The following LARGE1 variants were observed in gnomAD, a reference collection of about 807,000 sequenced individuals.
The protein encoded by LARGE1 is xylosyl- and glucuronyltransferase LARGE1.
In LARGE1, 43 loss-of-function variants were observed where a neutral mutation model predicts 87.6. The ratio of observed to expected loss-of-function variants is 0.49; its 90% CI spans 0.38 to 0.63. The LOEUF (loss-of-function observed/expected upper bound fraction) is 0.63, where lower values mean the gene tolerates loss of function less well. LARGE1 is among the 30% of genes least tolerant of loss of function. LARGE1 has a pLI of 0.00. For missense variants in LARGE1, 802 were observed against 1,000.2 expected (o/e 0.80, Z 2.67); for synonymous variants, 434 against 394.6 (o/e 1.10, Z -1.18).
intron 1 of LARGE1, among the ~76,000 whole-genome samples, chr22:33,861,326 T>G (rs575918550): frequency 6.6e-6 from 1 of 152,234 alleles, no homozygotes; most frequent in East Asian, 1.9e-4. Context: ...ACACCCATTC[T>G]GCAAAAGGAC....
chr22:33,104,971 TTC>T, the LARGE1 span, among the ~76,000 whole-genome samples: 1 of 145,314 alleles, frequency 6.9e-6, no homozygotes, highest in Non-Finnish European at 1.5e-5. Context: ...CTCTCTTTCT[TTC>T]TTTCTTTTTC....
chr22:33,513,168 C>T (rs1483691417), intron 6 of LARGE1, among the ~76,000 whole-genome samples: 4 of 152,084 alleles, frequency 2.6e-5, no homozygotes, highest in African/African-American at 7.2e-5. Flanking sequence ...AGAAAGGCAC[C>T]GCGGGAGAAG....
chr22:33,224,001 G>A (rs1925591707), intron 11 of LARGE1, among the ~76,000 whole-genome samples: 1 of 152,174 alleles, frequency 6.6e-6, no homozygotes, highest in East Asian at 1.9e-4. Context: ...GGGGCACATA[G>A]AAAGTGCTCA....
rs535688602 is a variant in LARGE1 at position 33,345,950 on chromosome 22, A to C, written c.1132-8149T>G. 5.3e-5 allele frequency among the ~76,000 whole-genome samples: 8 copies of C among 152,328 alleles called. No homozygotes were observed. The South Asian group carries it at 1.7e-3, about 32-fold the overall frequency. On this transcript the variant is annotated intron_variant, in intron 9 of 14. Transcript: ENST00000397394. The stretch of plus-strand genomic sequence containing the variant: ...CCAGGTGAATAAGAACATGGATCTT[A>C]TCTCTTCCAAGTTACTGGGATAAGA...
At chr22:33,684,585 C>A (rs17733539) in intron 2 of LARGE1, among the ~76,000 whole-genome samples, 11,214 of 152,176 alleles carry the variant, frequency 0.074, 535 homozygotes, top group Middle Eastern at 0.11. Flanking sequence ...TAACTCCATG[C>A]GGAACTGAGG....
chr22:33,738,039 G>A (rs1022490448), intron 2 of LARGE1, among the ~76,000 whole-genome samples: 6 of 152,134 alleles, frequency 3.9e-5, no homozygotes, highest in Non-Finnish European at 8.8e-5. Flanking sequence ...TCAGTGTGAG[G>A]GTATGATCTG....
intron 11 of LARGE1, among the ~76,000 whole-genome samples, chr22:33,207,755 T>C (rs1482760914): frequency 2.6e-5 from 4 of 152,122 alleles, no homozygotes; most frequent in Non-Finnish European, 4.4e-5. Flanking sequence ...CCAACAGATA[T>C]CCAACAGGGC....
the LARGE1 span, among the ~76,000 whole-genome samples, chr22:33,113,189 T>A: frequency 6.6e-5 from 10 of 151,696 alleles, no homozygotes; most frequent in Non-Finnish European, 1.5e-4. Context: ...TATGTATATT[T>A]ACGTCACTTA....
intron 1 of LARGE1, among the ~76,000 whole-genome samples, chr22:33,870,061 G>A (rs1341567476): frequency 6.6e-6 from 1 of 152,206 alleles, no homozygotes; most frequent in Non-Finnish European, 1.5e-5. Context: ...GTTCATTGCA[G>A]ATATAATTCA....
chr22:33,609,283 C>G (rs1186774154), intron 4 of LARGE1, among the ~76,000 whole-genome samples: 2 of 152,212 alleles, frequency 1.3e-5, no homozygotes, highest in Non-Finnish European at 2.9e-5. Context: ...CCACCCACAA[C>G]AGCTGAGCTT....
chr22:33,285,640 C>CAAAT, intron 12 of LARGE1, among the ~76,000 whole-genome samples: 1 of 151,802 alleles, frequency 6.6e-6, no homozygotes, highest in East Asian at 1.9e-4. Flanking sequence ...AACAAACAAA[C>CAAAT]AAACAAAAAA....
intron 3 of LARGE1, among the ~76,000 whole-genome samples, chr22:33,640,190 A>G (rs1484598748): frequency 6.6e-6 from 1 of 152,174 alleles, no homozygotes; most frequent in Non-Finnish European, 1.5e-5. Flanking sequence ...GTCTGCCTCT[A>G]TGGCTTTTTC....
intron 5 of LARGE1, among the ~76,000 whole-genome samples, chr22:33,583,218 A>C (rs1476123830): frequency 1.3e-5 from 2 of 152,152 alleles, no homozygotes; most frequent in African/African-American, 2.4e-5. Context: ...TTTCTGTCAC[A>C]GCCACCATGT....
chr22:33,190,153 T>G (rs1923701881), intron 11 of LARGE1, among the ~76,000 whole-genome samples: 1 of 152,198 alleles, frequency 6.6e-6, no homozygotes, highest in South Asian at 2.1e-4. Flanking sequence ...AACATTTTTT[T>G]TTTTAGCAGC....
chr22:33,091,815 A>C, the LARGE1 span, among the ~76,000 whole-genome samples: 1 of 152,184 alleles, frequency 6.6e-6, no homozygotes, highest in South Asian at 2.1e-4. Flanking sequence ...TAGTGATTTG[A>C]TGTGTTTACA....
chr22:33,764,327 G>T lies in LARGE1; in HGVS notation c.-82-2769C>A, dbSNP rs148832993. 9.9e-5 allele frequency among the ~76,000 whole-genome samples: 15 copies of T among 152,174 alleles called. No individual in the cohort carries two copies. The East Asian group carries it at 2.9e-3, about 29-fold the overall frequency. On this transcript the variant is annotated intron_variant, in intron 1 of 14. Transcript: ENST00000397394. ...CTCCCTAGGGATCTGTGAGGGCCTG[G>T]TTCAGGACCCCCCACAGATACCAAA...
rs147739985 is a variant in LARGE1, at chr22:33,387,102, T to TCAAAAAA, written c.893-2805_893-2799dup. 5.6e-3 allele frequency among the ~76,000 whole-genome samples: 798 copies of TCAAAAAA among 143,296 alleles called. 31 individuals are homozygous for TCAAAAAA. The highest frequency in any genetic ancestry group is 0.018 in the African/African-American group (709 of 39,096). 94.0% of individuals were successfully genotyped at this position (143,296 alleles called of 152,430 possible). The stretch of plus-strand genomic sequence containing the variant: ...CTAGGTAACTGAGCAAGACTCCATC[T>TCAAAAAA]CAAAAAACAAAAAACAAAAAACAAA... On this transcript the variant is annotated intron_variant, in intron 7 of 14. Coordinates refer to ENST00000397394, the MANE Select transcript of LARGE1 (RefSeq NM_133642.5).
At chr22:33,531,871 G>A (rs1026732592) in intron 6 of LARGE1, among the ~76,000 whole-genome samples, 11 of 152,336 alleles carry the variant, frequency 7.2e-5, no homozygotes, top group Middle Eastern at 3.4e-3. Context: ...CAGGCTGCCC[G>A]GAACAAGAGA....
At chr22:33,621,581 A>G (rs2079756165) in intron 4 of LARGE1, among the ~76,000 whole-genome samples, 1 of 152,224 alleles carries the variant, frequency 6.6e-6, no homozygotes, top group Admixed American at 6.5e-5. Context: ...ATTATTATTA[A>G]CATTAGTAAG....
Sources: allele counts gnomAD v4.1 joint callset (sites outside exome capture counted in the v4.1 genomes callset), GRCh38; gene constraint gnomAD v4.1.1; transcripts MANE v1.5; gene names NCBI Gene and HGNC (gene_info 2026-07-23, HGNC 2026-07-21).